Variants in NBPF15 observed in about 807,000 individuals in gnomAD.
NBPF15 encodes the protein NBPF member 15.
NBPF15 carries 74 observed loss-of-function variants against 62.2 expected under a neutral mutation model. The ratio of observed to expected loss-of-function variants is 1.19; its 90% CI spans 0.99 to 1.44. The LOEUF (loss-of-function observed/expected upper bound fraction) is 1.44, where lower values mean the gene tolerates loss of function less well. Among genes scored for constraint, NBPF15 ranks in the 40% most tolerant of loss-of-function variants. The pLI is 0.00. For synonymous variants in NBPF15, 244 were observed against 209.7 expected, an observed-to-expected ratio of 1.16 and a Z score of -1.41; for missense variants, 790 against 550.0, an observed-to-expected ratio of 1.44 and a Z score of -4.36.
chr1:144,447,171 G>T (rs1344377388), intron 6 of NBPF15, among the ~76,000 whole-genome samples: 1 of 152,284 alleles, frequency 6.6e-6, no homozygotes, highest in African/African-American at 2.4e-5. Context: ...ACAAATCCAT[G>T]CAGCATCTCC....
chr1:144,443,464 A>G (rs1322008939), intron 6 of NBPF15, among the ~76,000 whole-genome samples: 2 of 150,912 alleles, frequency 1.3e-5, no homozygotes, highest in East Asian at 3.9e-4. Flanking sequence ...TACATTTTGA[A>G]ACTAGCTTTC....
intron 6 of NBPF15, chr1:144,442,834 T>G (rs1398359385): frequency 1.4e-5 from 3 of 212,288 alleles, no homozygotes; most frequent in African/African-American, 7.0e-5. Context: ...GGATGGGGAA[T>G]TGACCGTGGA....
rs1571133782 is a variant in NBPF15 at position 144,438,122 on chromosome 1, G to T, written c.176-75C>A. The stretch of plus-strand genomic sequence containing the variant: ...TGTGGTCATTGCCTACAGGACAGGA[G>T]CCAGGTCCATCCCAAGGACAAAACT... On this transcript the variant is annotated intron_variant, in intron 8 of 21. Transcript: ENST00000581897. The T allele has an allele frequency of 2.1e-6, 3 of 1,456,204 alleles. No homozygotes were observed. The South Asian group carries it at 3.4e-5, about 17-fold the overall frequency. 90.2% of individuals were successfully genotyped at this position (1,456,204 alleles called of 1,614,324 possible).
chr1:144,444,877 T>A (rs1164328867), intron 6 of NBPF15, among the ~76,000 whole-genome samples: 1 of 151,944 alleles, frequency 6.6e-6, no homozygotes, highest in African/African-American at 2.4e-5. Flanking sequence ...GCAGACACAG[T>A]GTGTAAATTC....
rs1242556169 is a variant in NBPF15 at position 144,461,389 on chromosome 1, C to T, written c.-946G>A. On this transcript the variant is annotated 5_prime_UTR_variant, in exon 1 of 22. Transcript: ENST00000581897. ...GCGGGTCCCGGACTCACCGCCCGCC[C>T]GGCCTGGCGCGGCGCCTTCACCTCG... 1.3e-5 allele frequency: 2 copies of T among 151,902 alleles called. No homozygotes were observed. Among genetic ancestry groups the T allele is most frequent in the East Asian group, 2.0e-4 (1 of 5,128 alleles). The allele number at this position is 151,902 out of a possible 1,614,324, so 9.4% of individuals were successfully genotyped here. A position where few individuals can be genotyped will look rare whatever the true frequency, so the allele number is the denominator to read the frequency against.
intron 4 of NBPF15, among the ~76,000 whole-genome samples, chr1:144,453,870 G>A (rs1692795227): frequency 7.4e-6 from 1 of 134,572 alleles, no homozygotes; most frequent in East Asian, 2.1e-4. Context: ...CATAGCTAGT[G>A]GAAATCAAAA....
intron 4 of NBPF15, among the ~76,000 whole-genome samples, chr1:144,455,989 C>A (rs1456695340): frequency 6.6e-6 from 1 of 152,036 alleles, no homozygotes; most frequent in Non-Finnish European, 1.5e-5. Flanking sequence ...TGGGAACGGC[C>A]TTCAAAAGTG....
Position 144,456,747 on chromosome 1 carries a change from A to G in NBPF15, c.-642T>C, listed in dbSNP as rs587733801. Reference sequence around the variant, plus strand: ...GAGGACGGTAAGGGACGGTAAGGTGAGAGCCTGGGTCACCAGGAACCTTCG... The same window carrying G: ...GAGGACGGTAAGGGACGGTAAGGTGGGAGCCTGGGTCACCAGGAACCTTCG... On this transcript the variant is annotated 5_prime_UTR_variant, in exon 4 of 22. Transcript: ENST00000581897. 1.0e-5 allele frequency: 10 copies of G among 999,858 alleles called. No homozygotes were observed. In the Admixed American group the frequency reaches 4.8e-4, roughly 48 times the overall value. 61.9% of individuals were successfully genotyped at this position (999,858 alleles called of 1,614,324 possible).
At chr1:144,426,249 G>A in intron 18 of NBPF15, 29 bp downstream of exon 18, 1 of 570,748 alleles carries the variant, frequency 1.8e-6, no homozygotes, top group Non-Finnish European at 3.1e-6. Flanking sequence ...CCAGGTGGAG[G>A]CTTATCACCT....
At chr1:144,426,747 C>T (rs1262998595) in intron 17 of NBPF15, among the ~76,000 whole-genome samples, 1 of 151,810 alleles carries the variant, frequency 6.6e-6, no homozygotes, top group East Asian at 1.9e-4. Flanking sequence ...GCTCGGGACA[C>T]ACAACGAACA....
rs1267614036 is a variant in NBPF15, at chr1:144,428,913, C to T, written c.989-256G>A. Reference sequence around the variant, plus strand: ...GTGCTCTGTCCTAGGTTTATGTACACAAATGAGCAATTTTTTCCCCAATAA... The same window carrying T: ...GTGCTCTGTCCTAGGTTTATGTACATAAATGAGCAATTTTTTCCCCAATAA... On this transcript the variant is annotated intron_variant, in intron 14 of 21. Coordinates refer to ENST00000581897, the MANE Select transcript of NBPF15 (RefSeq NM_001385408.1). Among the ~76,000 whole-genome samples the T allele has an allele frequency of 6.0e-3, 918 of 152,118 alleles. 14 individuals are homozygous for T. The highest frequency in any genetic ancestry group is 8.4e-3 in the Non-Finnish European group (574 of 67,984).
At chr1:144,434,470 C>T (rs9438324) in intron 12 of NBPF15, among the ~76,000 whole-genome samples, 1,592 of 105,944 alleles carry the variant, frequency 0.015, no homozygotes, top group Admixed American at 0.032. Context: ...CACTGCACTC[C>T]AGCCTGGGTG....
intron 19 of NBPF15, among the ~76,000 whole-genome samples, 187 bp from the exon 20 acceptor site, chr1:144,425,049 AAGAC>A: frequency 1.8e-5 from 2 of 111,198 alleles, no homozygotes; most frequent in Non-Finnish European, 3.6e-5. Flanking sequence ...ATGAAAGAGA[AAGAC>A]AGATAGACAC....
chr1:144,455,157 A>G (rs1434584445), intron 4 of NBPF15, among the ~76,000 whole-genome samples: 2 of 144,204 alleles, frequency 1.4e-5, no homozygotes, highest in African/African-American at 2.6e-5. Context: ...GGGAGGGAGG[A>G]AGGCAGGGAG....
At chr1:144,445,348 TATATATACACACACAC>T (rs1286441038) in intron 6 of NBPF15, among the ~76,000 whole-genome samples, 63 of 130,100 alleles carry the variant, frequency 4.8e-4, no homozygotes, top group African/African-American at 1.8e-3. Context: ...TATATATATA[TATATATACACACACAC>T]ACACACACAC....
rs1439418184 is a variant in NBPF15, at chr1:144,423,159, C to A, written c.1867G>T (p.Asp623Tyr). The part of the protein sequence containing the change: ...STPSMYFEQP[D>Y]SFQHYRSVFY... ...ACACTTCTGTAGTGCTGGAATGAGT[C>A]AGGTTGTTCAAAGTACATTGACGGA... Residue 623 changes from aspartate to tyrosine, a missense_variant, in exon 22 of 22, where the codon GAC becomes TAC. By Grantham distance (160) the Asp-to-Tyr change is radical (BLOSUM62 -3). Transcript: ENST00000581897. The A allele has an allele frequency of 1.1e-5, 17 of 1,611,564 alleles. No homozygotes were observed. Among genetic ancestry groups the A allele is most frequent in the Admixed American group, 1.7e-5 (1 of 59,980 alleles).
chr1:144,441,894 T>C (rs1460931825), intron 6 of NBPF15, among the ~76,000 whole-genome samples: 1 of 149,426 alleles, frequency 6.7e-6, no homozygotes, highest in East Asian at 1.9e-4. Context: ...CATTGGTGTC[T>C]TTGTTTTTAA....
rs1327675859 is a variant in NBPF15, at chr1:144,422,704, G to C, written c.*309C>G. 5.6e-6 allele frequency: 3 copies of C among 540,224 alleles called. No homozygotes were observed. The highest frequency in any genetic ancestry group is 9.8e-6 in the Non-Finnish European group (3 of 307,088). 33.5% of individuals were successfully genotyped at this position (540,224 alleles called of 1,614,324 possible). A position where few individuals can be genotyped will look rare whatever the true frequency, so the allele number is the denominator to read the frequency against. On this transcript the variant is annotated 3_prime_UTR_variant, in exon 22 of 22. Coordinates refer to ENST00000581897, the MANE Select transcript of NBPF15 (RefSeq NM_001385408.1). Reference sequence around the variant, plus strand: ...AGCAGGTATAGAAGCTCAGAGACATGCCTGCAAAATGAAATCCCTGAGGAA... The same window carrying C: ...AGCAGGTATAGAAGCTCAGAGACATCCCTGCAAAATGAAATCCCTGAGGAA...
chr1:144,433,397 G>A (rs1675942715), intron 13 of NBPF15, among the ~76,000 whole-genome samples: 1 of 151,626 alleles, frequency 6.6e-6, no homozygotes, highest in African/African-American at 2.4e-5. Context: ...AATAACGAGA[G>A]AAGCAAAGCA....
Sources: allele counts gnomAD v4.1 joint callset (sites outside exome capture counted in the v4.1 genomes callset), GRCh38; gene constraint gnomAD v4.1.1; transcripts MANE v1.5; gene names NCBI Gene and HGNC (gene_info 2026-07-23, HGNC 2026-07-21).